ZNF704: variants seen among roughly 807,000 people sequenced by gnomAD.
ZNF704 encodes the protein glucocorticoid induced gene 1.
Under a neutral mutation model 44.7 loss-of-function variants are expected in ZNF704, and 10 were observed. The ratio of observed to expected loss-of-function variants is 0.22; its 90% CI spans 0.14 to 0.38. ZNF704 has a LOEUF of 0.38. Ranked by LOEUF, ZNF704 falls within the 10% of genes least tolerant of loss-of-function variation. The pLI, the probability that ZNF704 is intolerant of heterozygous loss-of-function variation, is 1.00. For synonymous variants in ZNF704, 211 were observed against 207.6 expected (o/e 1.02, Z -0.14); for missense variants, 390 against 545.5 (o/e 0.71, Z 2.84).
intron 2 of ZNF704, among the ~76,000 whole-genome samples, chr8:80,766,752 AC>A (rs1422654602): frequency 1.3e-5 from 2 of 152,056 alleles, no homozygotes; most frequent in Non-Finnish European, 2.9e-5. Context: ...TCGCTCTGTG[AC>A]CCAGGCTGGA....
chr8:80,727,532 G>A (rs1274975662), intron 2 of ZNF704, among the ~76,000 whole-genome samples: 5 of 151,664 alleles, frequency 3.3e-5, no homozygotes, highest in African/African-American at 7.3e-5. Flanking sequence ...GCAAGAGTTC[G>A]CCTTCGGGTT....
chr8:80,752,038 C>T (rs985323456), intron 2 of ZNF704, among the ~76,000 whole-genome samples: 3 of 152,146 alleles, frequency 2.0e-5, no homozygotes, highest in African/African-American at 7.2e-5. Flanking sequence ...GCCACCATGC[C>T]TGGCCCCAGT....
In ZNF704 at chr8:80,640,543, C is replaced by A. The variant is rs1481114538; in HGVS notation, c.*823G>T. The stretch of plus-strand genomic sequence containing the variant: ...AGGCTTACCCAGATGGCTACAGGTG[C>A]CAATTCTTGACTGAGTTGTGGCAGG... On this transcript the variant is annotated 3_prime_UTR_variant, in exon 9 of 9. Transcript: ENST00000327835. 1 of 152,200 alleles carries A rather than the reference C, an allele frequency of 6.6e-6. No individual in the cohort carries two copies. The highest frequency in any genetic ancestry group is 2.4e-5 in the African/African-American group (1 of 41,446). 9.4% of individuals were successfully genotyped at this position (152,200 alleles called of 1,614,324 possible).
intron 2 of ZNF704, among the ~76,000 whole-genome samples, chr8:80,759,891 C>A (rs1807099567): frequency 6.6e-6 from 1 of 152,116 alleles, no homozygotes. Flanking sequence ...AAGTAGCTGA[C>A]CACAGATGCA....
At chr8:80,853,612 G>GA (rs1488459423) in intron 1 of ZNF704, among the ~76,000 whole-genome samples, 2 of 151,916 alleles carry the variant, frequency 1.3e-5, no homozygotes, top group Non-Finnish European at 1.5e-5. Flanking sequence ...TATTGGAAAA[G>GA]AAAAAAACAG....
At chr8:80,643,167 T>A (rs1046944571) in intron 7 of ZNF704, 38 bp from the exon 8 acceptor site, 1 of 1,510,388 alleles carries the variant, frequency 6.6e-7, no homozygotes, top group Non-Finnish European at 9.1e-7. Context: ...ATGGGGCAGG[T>A]TCTCCACCCA....
At chr8:80,798,822 C>T (rs1807850867) in intron 2 of ZNF704, among the ~76,000 whole-genome samples, 1 of 152,130 alleles carries the variant, frequency 6.6e-6, no homozygotes, top group African/African-American at 2.4e-5. Context: ...AACAGAATAC[C>T]TGAAACTGAA....
intron 2 of ZNF704, among the ~76,000 whole-genome samples, chr8:80,784,644 T>A (rs982341261): frequency 6.6e-6 from 1 of 152,166 alleles, no homozygotes; most frequent in East Asian, 1.9e-4. Flanking sequence ...GTTCTTTGTA[T>A]ATTTTGGATA....
chr8:80,820,568 T>C lies in ZNF704; in HGVS notation c.221+806A>G, dbSNP rs541343015. ...CATATTTTAGACTTTACAGACCACC[T>C]GTGCTCTGTGTCGCCTATTCTTCAT... On this transcript the variant is annotated intron_variant, in intron 2 of 8. Transcript: ENST00000327835. Among the ~76,000 whole-genome samples, 380 of 152,246 alleles carry C rather than the reference T, an allele frequency of 2.5e-3. 1 individual carries two copies. The highest frequency in any genetic ancestry group is 8.5e-3 in the African/African-American group (354 of 41,558).
the ZNF704 span, among the ~76,000 whole-genome samples, chr8:80,880,004 G>A: frequency 6.6e-6 from 1 of 152,154 alleles, no homozygotes; most frequent in African/African-American, 2.4e-5. Flanking sequence ...AATTAGATGT[G>A]GGGCTTTAAG....
intron 2 of ZNF704, among the ~76,000 whole-genome samples, chr8:80,766,545 A>G (rs1286440078): frequency 2.0e-5 from 3 of 152,200 alleles, no homozygotes; most frequent in African/African-American, 7.2e-5. Context: ...ACTTTAGTTA[A>G]TACAATTTCC....
At chr8:80,782,310 CTG>C (rs1807540420) in intron 2 of ZNF704, among the ~76,000 whole-genome samples, 1 of 152,092 alleles carries the variant, frequency 6.6e-6, no homozygotes, top group Non-Finnish European at 1.5e-5. Context: ...ATGTAATTGT[CTG>C]CATTTACATT....
intron 2 of ZNF704, among the ~76,000 whole-genome samples, chr8:80,744,809 C>A (rs1806818737): frequency 6.6e-6 from 1 of 152,096 alleles, no homozygotes; most frequent in African/African-American, 2.4e-5. Context: ...ATTCAAGTAG[C>A]TAATTATGTG....
At chr8:80,694,430 T>C (rs1051346191) in intron 2 of ZNF704, 1 of 152,174 alleles carries the variant, frequency 6.6e-6, no homozygotes, top group African/African-American at 2.4e-5. Flanking sequence ...ATCAAATAAA[T>C]TGTACCACCT....
chr8:80,674,228 G>C (rs557562115), intron 4 of ZNF704, among the ~76,000 whole-genome samples: 17 of 152,148 alleles, frequency 1.1e-4, no homozygotes, highest in African/African-American at 3.6e-4. Context: ...CAGATGGGGC[G>C]ATTTAAATCC....
chr8:80,649,499 G>A (rs112829820), intron 7 of ZNF704, among the ~76,000 whole-genome samples: 58 of 152,316 alleles, frequency 3.8e-4, no homozygotes, highest in African/African-American at 1.3e-3. Flanking sequence ...CTTAGCAAAC[G>A]GCACACCAGG....
intron 1 of ZNF704, among the ~76,000 whole-genome samples, chr8:80,849,635 G>T (rs1808824683): frequency 6.6e-6 from 1 of 152,194 alleles, no homozygotes; most frequent in African/African-American, 2.4e-5. Context: ...TTGGAAAGTG[G>T]TGTTCTTTCT....
At chr8:80,778,892 GAT>G (rs1347400048) in intron 2 of ZNF704, among the ~76,000 whole-genome samples, 1 of 152,030 alleles carries the variant, frequency 6.6e-6, no homozygotes, top group African/African-American at 2.4e-5. Flanking sequence ...GAGCAGAAAA[GAT>G]AACTATTGAG....
intron 2 of ZNF704, among the ~76,000 whole-genome samples, chr8:80,739,956 C>T (rs1806729429): frequency 6.6e-6 from 1 of 152,150 alleles, no homozygotes; most frequent in African/African-American, 2.4e-5. Context: ...GGGCCAAGTG[C>T]CAGCCCATGC....
Sources: gnomAD v4.1 joint callset for allele counts (sites outside exome capture counted in the v4.1 genomes callset) on GRCh38, gnomAD v4.1.1 for gene constraint, MANE v1.5 for transcripts, NCBI Gene and HGNC (gene_info 2026-07-23, HGNC 2026-07-21) for gene names.